The following THSD4 variants were observed in gnomAD, a reference collection of about 807,000 sequenced individuals.
THSD4 encodes thrombospondin type-1 domain-containing protein 4.
THSD4 carries 69 observed loss-of-function variants against 119.0 expected under a neutral mutation model. The observed-to-expected ratio is 0.58, with a 90% CI of 0.48 to 0.71. The LOEUF is 0.71. Among genes scored for constraint, THSD4 ranks in the 30% least tolerant of loss-of-function variants. THSD4 has a pLI of 0.00. For synonymous variants in THSD4, 524 were observed against 540.4 expected, an observed-to-expected ratio of 0.97 and a Z score of 0.42; for missense variants, 1,393 against 1,391.1, an observed-to-expected ratio of 1.00 and a Z score of -0.02.
chr15:71,662,623 C>T (rs530674882), intron 8 of THSD4, among the ~76,000 whole-genome samples: 8 of 151,986 alleles, frequency 5.3e-5, no homozygotes, highest in Non-Finnish European at 1.0e-4. Flanking sequence ...TAGTTGTATT[C>T]AGTAAGCAGT....
At chr15:71,366,328 C>T (rs1003371992) in intron 6 of THSD4, among the ~76,000 whole-genome samples, 1 of 152,146 alleles carries the variant, frequency 6.6e-6, no homozygotes, top group African/African-American at 2.4e-5. Context: ...CCCGTCTTGG[C>T]CTCCCAAAGT....
intron 6 of THSD4, among the ~76,000 whole-genome samples, chr15:71,385,047 G>A (rs563213615): frequency 3.3e-5 from 5 of 152,290 alleles, no homozygotes; most frequent in Non-Finnish European, 7.4e-5. Flanking sequence ...GCCATTTACT[G>A]CCAGTTTCCC....
At chr15:71,227,700 T>C (rs1212901268) in intron 4 of THSD4, among the ~76,000 whole-genome samples, 1 of 152,218 alleles carries the variant, frequency 6.6e-6, no homozygotes, top group Non-Finnish European at 1.5e-5. Context: ...CGGAATGGGA[T>C]TTGAGTGCAG....
chr15:71,334,341 G>A (rs745455617), intron 6 of THSD4, among the ~76,000 whole-genome samples: 16 of 152,070 alleles, frequency 1.1e-4, no homozygotes, highest in Non-Finnish European at 2.1e-4. Flanking sequence ...ACCGACACTC[G>A]ACTACCACAG....
intron 8 of THSD4, among the ~76,000 whole-genome samples, chr15:71,701,950 A>G (rs2052298412): frequency 6.6e-6 from 1 of 152,198 alleles, no homozygotes; most frequent in African/African-American, 2.4e-5. Context: ...ACATATGGAA[A>G]ATAAAACTGC....
chr15:71,513,438 G>A (rs993382006), intron 7 of THSD4, among the ~76,000 whole-genome samples: 5 of 152,168 alleles, frequency 3.3e-5, no homozygotes, highest in Non-Finnish European at 7.3e-5. Context: ...TTAATAAAAT[G>A]GGCAAAAGGC....
intron 4 of THSD4, among the ~76,000 whole-genome samples, chr15:71,222,742 C>T (rs1002299578): frequency 3.9e-5 from 6 of 152,166 alleles, no homozygotes; most frequent in South Asian, 2.1e-4. Flanking sequence ...CTTGCCCAGG[C>T]GTGCAGACCC....
chr15:71,660,373 T>C lies in THSD4; in HGVS notation c.1153-157T>C. 3.9e-6 allele frequency: 3 copies of C among 771,158 alleles called. No individual in the cohort carries two copies. In the South Asian group the frequency reaches 5.1e-5, roughly 13 times the overall value. 47.8% of individuals were successfully genotyped at this position (771,158 alleles called of 1,614,324 possible). ...ACCAAACAAACTCTGTTTTATTTAC[T>C]TGTCTGGTTTACCGTCTGTGGCTCC... is the stretch of plus-strand genomic sequence containing the variant. On this transcript the variant is annotated intron_variant, in intron 7 of 17. Coordinates refer to ENST00000261862, the MANE Select transcript of THSD4 (RefSeq NM_024817.3).
At chr15:71,619,420 C>T (rs2050381121) in intron 7 of THSD4, among the ~76,000 whole-genome samples, 1 of 152,140 alleles carries the variant, frequency 6.6e-6, no homozygotes, top group South Asian at 2.1e-4. Flanking sequence ...GGATAGTTAG[C>T]ATCTGGAAAA....
Position 71,536,288 on chromosome 15 carries a change from C to G in THSD4, c.1153-124242C>G, listed in dbSNP as rs534205654. Among the ~76,000 whole-genome samples, 50 of 152,314 alleles carry G rather than the reference C, an allele frequency of 3.3e-4. No individual in the cohort carries two copies. In the South Asian group the frequency reaches 0.01, roughly 31 times the overall value. On this transcript the variant is annotated intron_variant, in intron 7 of 17. Coordinates refer to ENST00000261862, the MANE Select transcript of THSD4 (RefSeq NM_024817.3). ...CCAGCTTCTGGAGGCTGCCACATTCCTTGGTTCCCAGGTCCCCTTCATCTT... is the reference window on the plus strand; with the variant it reads ...CCAGCTTCTGGAGGCTGCCACATTCGTTGGTTCCCAGGTCCCCTTCATCTT...
At chr15:71,291,272 G>T (rs1408151601) in intron 6 of THSD4, among the ~76,000 whole-genome samples, 1 of 152,080 alleles carries the variant, frequency 6.6e-6, no homozygotes, top group Non-Finnish European at 1.5e-5. Context: ...CTATATATCT[G>T]TATTAGTCAG....
At chr15:71,359,585 A>C (rs542256955) in intron 6 of THSD4, among the ~76,000 whole-genome samples, 56 of 152,312 alleles carry the variant, frequency 3.7e-4, no homozygotes, top group Non-Finnish European at 7.3e-4. Flanking sequence ...AGGTGGGTAG[A>C]TTGCTTGAGT....
chr15:71,634,513 C>A (rs1266568765), intron 7 of THSD4, among the ~76,000 whole-genome samples: 2 of 152,214 alleles, frequency 1.3e-5, no homozygotes, highest in Admixed American at 1.3e-4. Flanking sequence ...GCCATGTCCA[C>A]TTTGGCTGCA....
intron 7 of THSD4, among the ~76,000 whole-genome samples, chr15:71,489,487 G>A (rs560502073): frequency 6.6e-6 from 1 of 152,176 alleles, no homozygotes; most frequent in East Asian, 1.9e-4. Context: ...TCTTCTGTGG[G>A]GACTCCTCTG....
intron 7 of THSD4, among the ~76,000 whole-genome samples, chr15:71,637,319 T>C (rs1419171864): frequency 6.6e-6 from 1 of 152,220 alleles, no homozygotes; most frequent in African/African-American, 2.4e-5. Flanking sequence ...AACATTTGGC[T>C]TTCAGAAACC....
At chr15:71,525,579 C>T (rs997345981) in intron 7 of THSD4, among the ~76,000 whole-genome samples, 8 of 152,104 alleles carry the variant, frequency 5.3e-5, no homozygotes, top group African/African-American at 1.2e-4. Context: ...GAGAAATCTG[C>T]GCAAATGTTT....
chr15:71,368,306 G>A (rs1053003946), intron 6 of THSD4, among the ~76,000 whole-genome samples: 8 of 152,122 alleles, frequency 5.3e-5, no homozygotes, highest in South Asian at 2.1e-4. Context: ...CCATTTGTCA[G>A]TTTTGGCTTT....
At chr15:71,309,125 A>G (rs1044809368) in intron 6 of THSD4, among the ~76,000 whole-genome samples, 2 of 151,860 alleles carry the variant, frequency 1.3e-5, no homozygotes, top group Non-Finnish European at 2.9e-5. Context: ...AATTTTTTGT[A>G]TTTTCAGTAA....
chr15:71,206,438 T>C (rs2043844527), intron 3 of THSD4, among the ~76,000 whole-genome samples: 1 of 152,210 alleles, frequency 6.6e-6, no homozygotes, highest in Non-Finnish European at 1.5e-5. Context: ...CAAAACTTTG[T>C]TCTCAGGGCT....
Sources: allele counts gnomAD v4.1 joint callset (sites outside exome capture counted in the v4.1 genomes callset), GRCh38; gene constraint gnomAD v4.1.1; transcripts MANE v1.5; gene names NCBI Gene and HGNC (gene_info 2026-07-23, HGNC 2026-07-21).